MYH11: variants seen among roughly 807,000 people sequenced by gnomAD.
MYH11 encodes the protein myosin-11.
A neutral mutation model predicts 246.6 loss-of-function variants in MYH11; 80 were observed. The observed-to-expected ratio is 0.32, with a 90% CI of 0.27 to 0.39. The LOEUF is 0.39. Among genes scored for constraint, MYH11 ranks in the 10% least tolerant of loss-of-function variants. MYH11 has a pLI of 1.00. For synonymous variants in MYH11, 1,071 were observed against 1,015.5 expected (o/e 1.05, Z -1.04); for missense variants, 2,158 against 2,546.8 (o/e 0.85, Z 3.29).
intron 8 of MYH11, 89 bp from the exon 9 acceptor site, chr16:15,771,801 C>T: frequency 6.6e-7 from 1 of 1,522,064 alleles, no homozygotes; most frequent in South Asian, 1.1e-5. Flanking sequence ...TCTGGGCCAT[C>T]ATAATTCCTT....
At chr16:15,784,427 G>A (rs2042421420) in intron 5 of MYH11, among the ~76,000 whole-genome samples, 2 of 152,148 alleles carry the variant, frequency 1.3e-5, no homozygotes, top group Non-Finnish European at 2.9e-5. Context: ...GGTTCATTCT[G>A]AACCGGAGAA....
rs537609390 is a variant in MYH11, at chr16:15,736,522, C to A, written c.3293+927G>T. On this transcript the variant is annotated intron_variant, in intron 25 of 40. Coordinates refer to ENST00000300036, the MANE Select transcript of MYH11 (RefSeq NM_002474.3). ...TCAAACTGCTGGCCTCAAGCAATCC[C>A]CCCACCTCGGCTTCCCAAAGTGCTG... Among the ~76,000 whole-genome samples, 7 of 152,252 alleles carry A rather than the reference C, an allele frequency of 4.6e-5. No homozygotes were observed. The East Asian group carries it at 1.4e-3, about 29-fold the overall frequency.
At chr16:15,784,852 T>C in intron 5 of MYH11, 1 of 898,986 alleles carries the variant, frequency 1.1e-6, no homozygotes. Flanking sequence ...TCAGCTCCTT[T>C]TCCTTGATAC....
rs900529032 is a variant in MYH11, at chr16:15,750,722, C to G, written c.1865-391G>C. Among the ~76,000 whole-genome samples the G allele has an allele frequency of 1.3e-5, 2 of 152,036 alleles. No homozygotes were observed. The highest frequency in any genetic ancestry group is 4.8e-5 in the African/African-American group (2 of 41,382). ...CAGAAGGCACTTATTCCCTGCCAGC[C>G]TCCAATCTTTCATCCACCAACAAAT... is the stretch of plus-strand genomic sequence containing the variant. On this transcript the variant is annotated intron_variant, in intron 15 of 40. Transcript: ENST00000300036. This position sits in a 1 kb window ranked among gnomAD's most constrained non-coding sequence, Gnocchi z 4.3.
In MYH11 at chr16:15,724,777, C is replaced by T. The variant is rs761662427; in HGVS notation, c.3986G>A (p.Arg1329Gln). ...CTTCGTAGACACGTTGAGCTTCTGCCGGGTTTCTTCTTGAAGCAGCTCCTG... is the reference window on the plus strand; with the variant it reads ...CTTCGTAGACACGTTGAGCTTCTGCTGGGTTTCTTCTTGAAGCAGCTCCTG... ...DTQELLQEET[R>Q]QKLNVSTKLR... Residue 1329 changes from arginine (R) to glutamine (Q), a missense_variant, in exon 30 of 41, where the codon CGG becomes CAG. Around this residue, in one of 11 missense-constraint regions of MYH11, gnomAD observed 1,013 missense variants for 993.5 expected, o/e 1.02. Transcript: ENST00000300036. The T allele has an allele frequency of 1.1e-5, 17 of 1,614,034 alleles. No homozygotes were observed. Among genetic ancestry groups the T allele is most frequent in the East Asian group, 2.2e-5 (1 of 44,878 alleles).
Position 15,720,244 on chromosome 16 carries a change from C to T in MYH11, c.4860G>A (p.Lys1620=), listed in dbSNP as rs2040395555. 6.2e-7 allele frequency: 1 copy of T among 1,614,142 alleles called. No homozygotes were observed. The highest frequency in any genetic ancestry group is 8.5e-7 in the Non-Finnish European group (1 of 1,180,014). Residue 1620 remains lysine (K), a synonymous_variant, in exon 34 of 41, where the codon AAG becomes AAA. Coordinates refer to ENST00000300036, the MANE Select transcript of MYH11 (RefSeq NM_002474.3). Reference sequence around the variant, plus strand: ...GGTCTTTCAGGTCCCCTTCCAGCTTCTTCTTTGCTGCAGCTGCCAGGGCAC... The same window carrying T: ...GGTCTTTCAGGTCCCCTTCCAGCTTTTTCTTTGCTGCAGCTGCCAGGGCAC... ...KQRALAAAAK[K]KLEGDLKDLE...
intron 4 of MYH11, among the ~76,000 whole-genome samples, chr16:15,796,088 G>A (rs530000622): frequency 1.2e-4 from 18 of 152,272 alleles, no homozygotes; most frequent in East Asian, 5.8e-4. Flanking sequence ...GAGAGGTGAC[G>A]GGACCCTGAA....
intron 4 of MYH11, among the ~76,000 whole-genome samples, chr16:15,789,299 G>C (rs2042554418): frequency 6.6e-6 from 1 of 152,186 alleles, no homozygotes; most frequent in Non-Finnish European, 1.5e-5. Context: ...CAGGGGAAGG[G>C]GAATTGATAT....
At chr16:15,784,788 A>G in intron 5 of MYH11, 1 of 1,578,854 alleles carries the variant, frequency 6.3e-7, no homozygotes, top group Non-Finnish European at 8.7e-7. Context: ...CAGGGGCTGG[A>G]GAATATATGA....
chr16:15,771,599 T>C lies in MYH11; in HGVS notation c.1003A>G (p.Ile335Val), dbSNP rs1258616305. Residue 335 changes from isoleucine (I) to valine (V), a missense_variant, in exon 9 of 41, where the codon ATC (isoleucine) becomes GTC (valine). Physicochemically the swap from Ile to Val is conservative, Grantham distance 29. This residue lies in a region of MYH11 where 75 missense variants were observed against 70.0 expected (regional missense o/e 1.07). Transcript: ENST00000300036. Reference sequence around the variant, plus strand: ...TGCTCCTCCTCGCTGAAACCCATGATTGCCATGGCCTCCACGGTTTCCTGG... The same window carrying C: ...TGCTCCTCCTCGCTGAAACCCATGACTGCCATGGCCTCCACGGTTTCCTGG... ...MFQETVEAMA[I>V]MGFSEEEQLS... 3.1e-6 allele frequency: 5 copies of C among 1,613,952 alleles called. No individual in the cohort carries two copies. In the East Asian group the frequency reaches 6.7e-5, roughly 22 times the overall value.
chr16:15,798,752 T>C (rs113006643), intron 3 of MYH11, 65 bp from the exon 4 acceptor site: 2 of 1,541,502 alleles, frequency 1.3e-6, no homozygotes, highest in Non-Finnish European at 1.8e-6. Flanking sequence ...GGGTCTGGAC[T>C]TGGCTCCTCC....
At chr16:15,732,995 A>T (rs1281260018) in intron 26 of MYH11, 2 of 521,966 alleles carry the variant, frequency 3.8e-6, no homozygotes, top group Non-Finnish European at 6.9e-6. Flanking sequence ...AATTTTGCTT[A>T]AATATTAATG....
intron 10 of MYH11, among the ~76,000 whole-genome samples, chr16:15,763,509 G>A (rs979494093): frequency 4.6e-5 from 7 of 151,962 alleles, no homozygotes; most frequent in East Asian, 1.9e-4. Context: ...GCAACACAGC[G>A]AGACCTCGTC....
At chr16:15,740,251 TG>T (rs1458225700) in intron 22 of MYH11, 63 bp from the exon 23 acceptor site, 1 of 1,610,438 alleles carries the variant, frequency 6.2e-7, no homozygotes. Context: ...CGTGGTGATC[TG>T]GGGACTAATG....
At chr16:15,848,564 G>A (rs945977348) in intron 1 of MYH11, among the ~76,000 whole-genome samples, 1 of 152,022 alleles carries the variant, frequency 6.6e-6, no homozygotes, top group Non-Finnish European at 1.5e-5. Flanking sequence ...CTTGGGCTGC[G>A]TCATTCTGTG....
intron 2 of MYH11, among the ~76,000 whole-genome samples, chr16:15,829,480 G>A (rs2043669599): frequency 1.3e-5 from 2 of 152,268 alleles, no homozygotes; most frequent in Middle Eastern, 3.4e-3. Flanking sequence ...TCAGCATCGG[G>A]CTCTTCCTCC....
At chr16:15,851,700 T>C (rs548443056) in intron 1 of MYH11, among the ~76,000 whole-genome samples, 29 of 152,148 alleles carry the variant, frequency 1.9e-4, no homozygotes, top group Admixed American at 3.3e-4. Flanking sequence ...GGTGAACCTG[T>C]CACATTCTTA....
At chr16:15,804,009 G>A (rs2042951730) in intron 3 of MYH11, among the ~76,000 whole-genome samples, 1 of 152,172 alleles carries the variant, frequency 6.6e-6, no homozygotes. Flanking sequence ...TGAGATCCTG[G>A]AAATTTTTAT....
chr16:15,703,347 T>C lies in MYH11; in HGVS notation c.*644A>G. ...GGCCTGACGTGAGAAGTTGGAAAGG[T>C]TTGCAGGTTAGGGAATGAATTGGGA... On this transcript the variant is annotated 3_prime_UTR_variant, in exon 41 of 41. Transcript: ENST00000300036. 1 of 232,872 alleles carries C rather than the reference T, an allele frequency of 4.3e-6. No homozygotes were observed. The highest frequency in any genetic ancestry group is 8.5e-6 in the Non-Finnish European group (1 of 117,280). 14.4% of individuals were successfully genotyped at this position (232,872 alleles called of 1,614,324 possible).
Sources: allele counts gnomAD v4.1 joint callset (sites outside exome capture counted in the v4.1 genomes callset), GRCh38; gene constraint gnomAD v4.1.1; regional missense constraint gnomAD v4.1.1; non-coding constraint Gnocchi (gnomAD v3.1); transcripts MANE v1.5; gene names NCBI Gene and HGNC (gene_info 2026-07-23, HGNC 2026-07-21).